Variants in VPS13D observed in about 807,000 individuals in gnomAD.
VPS13D encodes the protein vacuolar protein sorting 13 homolog D.
A neutral mutation model predicts 461.9 loss-of-function variants in VPS13D; 187 were observed. The observed-to-expected ratio is 0.40, with a 90% CI of 0.36 to 0.46. The LOEUF (loss-of-function observed/expected upper bound fraction) is 0.46, where lower values mean the gene tolerates loss of function less well. Among genes scored for constraint, VPS13D ranks in the 20% least tolerant of loss-of-function variants. The pLI, the probability that VPS13D is intolerant of heterozygous loss-of-function variation, is 0.60. For missense variants in VPS13D, 4,711 were observed against 5,364.9 expected, an observed-to-expected ratio of 0.88 and a Z score of 3.81; for synonymous variants, 1,951 against 1,986.3, an observed-to-expected ratio of 0.98 and a Z score of 0.47.
chr1:12,321,480 AT>A (rs1220366647), intron 32 of VPS13D, among the ~76,000 whole-genome samples: 2 of 151,932 alleles, frequency 1.3e-5, no homozygotes, highest in Non-Finnish European at 2.9e-5. Flanking sequence ...GCTGCTCTTA[AT>A]TTTTTTTAAC....
At chr1:12,423,939 G>C (rs1439831689) in intron 65 of VPS13D, among the ~76,000 whole-genome samples, 1 of 152,222 alleles carries the variant, frequency 6.6e-6, no homozygotes. Context: ...TGCACTGAGT[G>C]AGTCCCTGCA....
chr1:12,314,134 A>G lies in VPS13D; in HGVS notation c.6955A>G (p.Lys2319Glu). 1 of 1,614,108 alleles carries G rather than the reference A, an allele frequency of 6.2e-7. No individual in the cohort carries two copies. The highest frequency in any genetic ancestry group is 8.5e-7 in the Non-Finnish European group (1 of 1,179,996). The change falls in exon 30 of 70, where the codon AAA becomes GAA. Residue 2319 changes from lysine to glutamate, a missense_variant. Lys to Glu is a moderately conservative substitution (Grantham distance 56). Coordinates refer to ENST00000620676, the MANE Select transcript of VPS13D (RefSeq NM_015378.4). ...TTTTAGATTTGACTTCAAGAAATGC[A>G]AACTGCTCTATGAAAGTTTTTCCAA... is the stretch of plus-strand genomic sequence containing the variant. ...SLARFDFKKC[K>E]LLYESFSNQT... is the part of the protein sequence containing the mutation.
chr1:12,434,541 T>G (rs1249732099), intron 65 of VPS13D, among the ~76,000 whole-genome samples: 2 of 152,140 alleles, frequency 1.3e-5, no homozygotes, highest in Non-Finnish European at 2.9e-5. Flanking sequence ...GAAAGCTCAT[T>G]TGAAAGTGTT....
intron 52 of VPS13D, 35 bp from the exon 53 acceptor site, chr1:12,368,433 T>C (rs1644069656): frequency 1.3e-6 from 2 of 1,576,162 alleles, no homozygotes; most frequent in African/African-American, 2.7e-5. Flanking sequence ...GTCTCCTACA[T>C]TTTATGTAGC....
chr1:12,348,718 T>C (rs1490545410), intron 44 of VPS13D, 105 bp from the exon 45 acceptor site: 3 of 1,357,624 alleles, frequency 2.2e-6, no homozygotes, highest in South Asian at 1.4e-5. Flanking sequence ...TGAAGAACTA[T>C]AGTAGTAATA....
rs369474871 is a variant in VPS13D, at chr1:12,348,954, T to C, written c.9201T>C (p.Asp3067=). ...RLETPMELRL[D]SPSAPDKPVV... ...AGACACCAATGGAACTAAGACTGGATAGCCCATCAGCTCCAGACAGTATGT... is the reference window on the plus strand; with the variant it reads ...AGACACCAATGGAACTAAGACTGGACAGCCCATCAGCTCCAGACAGTATGT... The change falls in exon 45 of 70, where the codon GAT becomes GAC. Residue 3067 remains aspartate, a synonymous_variant. Transcript: ENST00000620676. The C allele has an allele frequency of 4.3e-6, 7 of 1,614,082 alleles. No individual in the cohort carries two copies. The African/African-American group carries it at 9.3e-5, about 22-fold the overall frequency.
At position 12,369,563 on chromosome 1, in the gene VPS13D, A is replaced by G; in HGVS notation, c.10669A>G (p.Thr3557Ala). ...TSLDYAWDEP[T>A]LPPFITLTVK... Reference sequence around the variant, plus strand: ...ATTGGATTATGCCTGGGACGAACCCACCTTGCCACCTTTTATCACTCTGAC... The same window carrying G: ...ATTGGATTATGCCTGGGACGAACCCGCCTTGCCACCTTTTATCACTCTGAC... Residue 3557 changes from threonine (T) to alanine (A), a missense_variant, in exon 54 of 70, where the codon ACC (threonine) becomes GCC (alanine). Around this residue, in one of 3 missense-constraint regions of VPS13D, gnomAD observed 4,411 missense variants for 4,937.8 expected, o/e 0.89. Transcript: ENST00000620676. 1 of 1,614,084 alleles carries G rather than the reference A, an allele frequency of 6.2e-7. No homozygotes were observed. Among genetic ancestry groups the G allele is most frequent in the Non-Finnish European group, 8.5e-7 (1 of 1,180,012 alleles).
intron 52 of VPS13D, among the ~76,000 whole-genome samples, chr1:12,366,736 G>A (rs1437807592): frequency 1.3e-5 from 2 of 152,112 alleles, no homozygotes; most frequent in Non-Finnish European, 2.9e-5. Flanking sequence ...TAAACTATAG[G>A]AAAGTTACAA....
Position 12,502,140 on chromosome 1 carries a change from C to A in VPS13D, c.12794+4509C>A, listed in dbSNP as rs956637641. On this transcript the variant is annotated intron_variant, in intron 68 of 69. Coordinates refer to ENST00000620676, the MANE Select transcript of VPS13D (RefSeq NM_015378.4). The surrounding 1 kb of genome is among the most constrained non-coding windows in gnomAD (Gnocchi z 4.3). ...GAGGAAGAGGATCCCACTCAAAATT[C>A]GTCATGAAAAATAAAACCTTGACAG... is the stretch of plus-strand genomic sequence containing the variant. Among the ~76,000 whole-genome samples the A allele has an allele frequency of 2.6e-5, 4 of 152,082 alleles. No homozygotes were observed. The highest frequency in any genetic ancestry group is 5.9e-5 in the Non-Finnish European group (4 of 68,018).
rs1000910506 is a variant in VPS13D at position 12,321,688 on chromosome 1, G to C, written c.7549-121G>C. ...ACTCTTCACAGTATTTATTTCAGCA[G>C]TTGTTATGGGTCTTATGATAACACA... On this transcript the variant is annotated intron_variant, in intron 32 of 69. Transcript: ENST00000620676. The C allele has an allele frequency of 2.9e-5, 31 of 1,059,206 alleles. 1 individual carries two copies. The highest frequency in any genetic ancestry group is 2.5e-4 in the South Asian group (14 of 56,338). 65.6% of individuals were successfully genotyped at this position (1,059,206 alleles called of 1,614,324 possible).
At chr1:12,385,487 G>A in intron 59 of VPS13D, 114 bp downstream of exon 59, 1 of 807,902 alleles carries the variant, frequency 1.2e-6, no homozygotes, top group South Asian at 1.9e-5. Context: ...CTAAATATGA[G>A]TTACGCTTCA....
intron 44 of VPS13D, 55 bp from the exon 45 acceptor site, chr1:12,348,768 A>G: frequency 6.3e-7 from 1 of 1,597,286 alleles, no homozygotes; most frequent in Non-Finnish European, 8.6e-7. Flanking sequence ...ATATTATTGT[A>G]TTTTATATGT....
chr1:12,354,950 T>C (rs1643873223), intron 47 of VPS13D, among the ~76,000 whole-genome samples: 1 of 152,208 alleles, frequency 6.6e-6, no homozygotes, highest in African/African-American at 2.4e-5. Flanking sequence ...AATTTGCAAA[T>C]TGGGCAGCCC....
chr1:12,450,684 T>C (rs560043583), intron 65 of VPS13D, among the ~76,000 whole-genome samples: 1 of 152,238 alleles, frequency 6.6e-6, no homozygotes, highest in African/African-American at 2.4e-5. Flanking sequence ...TTCGCCCAGC[T>C]GTCAGCTAAT....
rs371513419 is a variant in VPS13D, at chr1:12,509,483, G to A, written c.*459G>A. On this transcript the variant is annotated 3_prime_UTR_variant, in exon 70 of 70. Transcript: ENST00000620676. The stretch of plus-strand genomic sequence containing the variant: ...AATTCAGGATACTGTCTATAGAAAG[G>A]CATTCTTAAAAGTTAAAGAATGTTA... The A allele has an allele frequency of 3.3e-5, 5 of 153,010 alleles. No homozygotes were observed. Among genetic ancestry groups the A allele is most frequent in the African/African-American group, 1.2e-4 (5 of 41,446 alleles). The allele number at this position is 153,010 out of a possible 1,614,324, so 9.5% of individuals were successfully genotyped here.
chr1:12,302,947 C>T (rs1313909809), intron 25 of VPS13D, among the ~76,000 whole-genome samples: 1 of 151,150 alleles, frequency 6.6e-6, no homozygotes. Flanking sequence ...TGTAGAATTC[C>T]ATAAGGGCTG....
intron 16 of VPS13D, 74 bp downstream of exon 16, chr1:12,268,950 C>A (rs902268253): frequency 6.6e-7 from 1 of 1,525,286 alleles, no homozygotes; most frequent in Non-Finnish European, 8.8e-7. Flanking sequence ...GTGTTCTGGA[C>A]AAGGGTTATT....
At chr1:12,503,436 A>C (rs138334618) in intron 68 of VPS13D, among the ~76,000 whole-genome samples, 1,740 of 152,148 alleles carry the variant, frequency 0.011, 29 homozygotes, top group African/African-American at 0.039. Context: ...CTCCCACCTC[A>C]GCTTCCCAAA....
intron 21 of VPS13D, among the ~76,000 whole-genome samples, chr1:12,284,135 C>T (rs918380963): frequency 1.3e-5 from 2 of 152,182 alleles, no homozygotes; most frequent in African/African-American, 4.8e-5. Context: ...TCTCCCCATT[C>T]TCTCAGAACA....
Sources: allele counts gnomAD v4.1 joint callset (sites outside exome capture counted in the v4.1 genomes callset), GRCh38; gene constraint gnomAD v4.1.1; regional missense constraint gnomAD v4.1.1; non-coding constraint Gnocchi (gnomAD v3.1); transcripts MANE v1.5; gene names NCBI Gene and HGNC (gene_info 2026-07-23, HGNC 2026-07-21).